Variants in CSMD3 observed in about 807,000 individuals in gnomAD.
The protein encoded by CSMD3 is CUB and Sushi multiple domains 3, also known as CUB and sushi domain-containing protein 3.
Under a neutral mutation model 435.2 loss-of-function variants are expected in CSMD3, and 177 were observed. That is an observed-to-expected ratio of 0.41 (90% CI 0.36 to 0.46). CSMD3 has a LOEUF of 0.46. Ranked by LOEUF, CSMD3 falls within the 20% of genes least tolerant of loss-of-function variation. The pLI is 0.34. For missense variants in CSMD3, 4,265 were observed against 4,504.6 expected (o/e 0.95, Z 1.52); for synonymous variants, 1,656 against 1,520.5 (o/e 1.09, Z -2.07).
At chr8:112,431,402 T>A (rs1163677192) in intron 32 of CSMD3, among the ~76,000 whole-genome samples, 38 of 152,168 alleles carry the variant, frequency 2.5e-4, no homozygotes, top group Admixed American at 2.4e-3. Flanking sequence ...GTGATTTTTT[T>A]AAGAATAATT....
At chr8:113,382,791 G>A (rs1474912143) in intron 1 of CSMD3, among the ~76,000 whole-genome samples, 5 of 151,990 alleles carry the variant, frequency 3.3e-5, no homozygotes, top group African/African-American at 1.2e-4. Context: ...ACCAGGCCTG[G>A]ACAACATGAT....
chr8:112,328,888 C>T (rs1647593221), intron 45 of CSMD3, among the ~76,000 whole-genome samples: 1 of 152,158 alleles, frequency 6.6e-6, no homozygotes, highest in Non-Finnish European at 1.5e-5. Flanking sequence ...GTCAATTAAA[C>T]TTCTTTCCTT....
intron 1 of CSMD3, among the ~76,000 whole-genome samples, chr8:113,419,965 C>A (rs1477058112): frequency 1.3e-5 from 2 of 152,002 alleles, no homozygotes; most frequent in Non-Finnish European, 2.9e-5. Context: ...AATTTACATT[C>A]TTATATTTCA....
intron 13 of CSMD3, among the ~76,000 whole-genome samples, chr8:112,728,717 T>C (rs2077016044): frequency 6.6e-6 from 1 of 152,166 alleles, no homozygotes; most frequent in South Asian, 2.1e-4. Context: ...TGGGGAGTAA[T>C]CACTCTGTGG....
intron 3 of CSMD3, among the ~76,000 whole-genome samples, chr8:113,249,244 T>C (rs545043505): frequency 3.5e-4 from 53 of 152,238 alleles, no homozygotes; most frequent in African/African-American, 1.1e-3. Flanking sequence ...CTCTTTCCTT[T>C]ATAAATTACC....
At chr8:112,339,814 A>T (rs1351894813) in intron 42 of CSMD3, among the ~76,000 whole-genome samples, 3 of 152,336 alleles carry the variant, frequency 2.0e-5, no homozygotes, top group African/African-American at 7.2e-5. Flanking sequence ...CTATTTCTTT[A>T]AAATGCACTA....
chr8:112,884,985 G>C (rs73346003), intron 10 of CSMD3, among the ~76,000 whole-genome samples: 1,610 of 151,684 alleles, frequency 0.011, 21 homozygotes, highest in African/African-American at 0.036. Flanking sequence ...CTGTCCCTGA[G>C]AGACCCAATC....
intron 6 of CSMD3, among the ~76,000 whole-genome samples, chr8:112,998,179 TTAAA>T (rs148898448): frequency 6.6e-6 from 1 of 151,818 alleles, no homozygotes; most frequent in African/African-American, 2.4e-5. Context: ...TGAGAATAAT[TTAAA>T]TAAATAATGA....
chr8:113,028,100 A>T (rs2086944391), intron 5 of CSMD3, among the ~76,000 whole-genome samples: 1 of 152,124 alleles, frequency 6.6e-6, no homozygotes, highest in Non-Finnish European at 1.5e-5. Context: ...GCATTTTTCC[A>T]ATAACATATT....
At chr8:112,971,624 A>G (rs994333924) in intron 7 of CSMD3, among the ~76,000 whole-genome samples, 3 of 152,336 alleles carry the variant, frequency 2.0e-5, no homozygotes, top group Non-Finnish European at 2.9e-5. Flanking sequence ...TCTCACACAT[A>G]GTAGTTTGCA....
At chr8:112,516,327 A>G (rs1823665708) in intron 28 of CSMD3, among the ~76,000 whole-genome samples, 2 of 152,188 alleles carry the variant, frequency 1.3e-5, no homozygotes, top group South Asian at 2.1e-4. Context: ...TAAATTCAAG[A>G]TGACACAAAT....
intron 12 of CSMD3, among the ~76,000 whole-genome samples, chr8:112,809,455 A>G (rs890290818): frequency 6.6e-6 from 1 of 152,214 alleles, no homozygotes; most frequent in Non-Finnish European, 1.5e-5. Context: ...TTTCTAGATA[A>G]GTAATTTTGG....
intron 13 of CSMD3, among the ~76,000 whole-genome samples, chr8:112,708,665 T>TA (rs1167742088): frequency 2.0e-5 from 3 of 147,236 alleles, no homozygotes; most frequent in Non-Finnish European, 4.5e-5. Flanking sequence ...TTTTTTTTTT[T>TA]AATCTGAAGG....
chr8:113,287,639 G>A (rs1176043014), intron 2 of CSMD3, among the ~76,000 whole-genome samples: 1 of 152,030 alleles, frequency 6.6e-6, no homozygotes, highest in East Asian at 1.9e-4. Context: ...GGGTATACAT[G>A]TAAATATTTG....
intron 3 of CSMD3, among the ~76,000 whole-genome samples, chr8:113,185,586 T>C (rs1035792712): frequency 2.0e-5 from 3 of 152,078 alleles, no homozygotes. Flanking sequence ...AATGTTTTAA[T>C]GTCCATTCCA....
At chr8:112,394,801 T>C (rs1039222601) in intron 35 of CSMD3, among the ~76,000 whole-genome samples, 1 of 152,210 alleles carries the variant, frequency 6.6e-6, no homozygotes, top group Admixed American at 6.5e-5. Context: ...TCCAGTAAAA[T>C]GTAAAATGTA....
At chr8:112,336,115 G>A (rs939038476) in intron 44 of CSMD3, among the ~76,000 whole-genome samples, 5 of 151,916 alleles carry the variant, frequency 3.3e-5, no homozygotes, top group African/African-American at 1.2e-4. Context: ...TCACTATGTT[G>A]CCCAGGCTGG....
intron 1 of CSMD3, among the ~76,000 whole-genome samples, chr8:113,427,449 C>T (rs2094642277): frequency 6.7e-6 from 1 of 149,894 alleles, no homozygotes. Context: ...GTGGTCTCTC[C>T]ATTCAATGAG....
chr8:113,199,212 GACAGGAACTTAT>G (rs1345708958), intron 3 of CSMD3, among the ~76,000 whole-genome samples: 1 of 151,178 alleles, frequency 6.6e-6, no homozygotes, highest in African/African-American at 2.4e-5. Flanking sequence ...ATGACTAAAA[GACAGGAACTTAT>G]AAATAAGTTA....
Sources: allele counts gnomAD v4.1 joint callset (sites outside exome capture counted in the v4.1 genomes callset), GRCh38; gene constraint gnomAD v4.1.1; transcripts MANE v1.5; gene names NCBI Gene and HGNC (gene_info 2026-07-23, HGNC 2026-07-21).